UGT8: variants seen among roughly 807,000 people sequenced by gnomAD.
The protein encoded by UGT8 is UDP glycosyltransferase 8.
Under a neutral mutation model 40.5 loss-of-function variants are expected in UGT8, and 12 were observed. That is an observed-to-expected ratio of 0.30 (90% confidence interval 0.19 to 0.48). The LOEUF (loss-of-function observed/expected upper bound fraction) is 0.48. UGT8 is among the 20% of genes least tolerant of loss of function. UGT8 has a pLI of 0.99. For synonymous variants in UGT8, 224 were observed against 240.4 expected (o/e 0.93, Z 0.63); for missense variants, 513 against 648.7 (o/e 0.79, Z 2.27).
chr4:114,664,837 T>TA (rs1167497809), intron 3 of UGT8, among the ~76,000 whole-genome samples: 1 of 152,232 alleles, frequency 6.6e-6, no homozygotes, highest in East Asian at 1.9e-4. Context: ...GTCCCATAGT[T>TA]ACTACCATGA....
At chr4:114,629,015 T>G (rs1732416796) in intron 2 of UGT8, among the ~76,000 whole-genome samples, 1 of 151,960 alleles carries the variant, frequency 6.6e-6, no homozygotes, top group Non-Finnish European at 1.5e-5. Context: ...TTACATATGG[T>G]GATTGAAAGC....
At chr4:114,638,159 A>G (rs1733003408) in intron 2 of UGT8, among the ~76,000 whole-genome samples, 1 of 152,192 alleles carries the variant, frequency 6.6e-6, no homozygotes, top group African/African-American at 2.4e-5. Context: ...AAAATAGTAA[A>G]TCATGTATTC....
At chr4:114,674,109 A>G (rs1560713819) in intron 5 of UGT8, among the ~76,000 whole-genome samples, 1 of 152,190 alleles carries the variant, frequency 6.6e-6, no homozygotes, top group Non-Finnish European at 1.5e-5. Context: ...GTGAAATCAT[A>G]AAAAATAAAG....
chr4:114,633,929 G>A (rs531958040), intron 2 of UGT8, among the ~76,000 whole-genome samples: 64 of 151,950 alleles, frequency 4.2e-4, no homozygotes, highest in African/African-American at 1.4e-3. Flanking sequence ...GGAGGACAGA[G>A]TGAGACTGTC....
At chr4:114,670,774 T>A (rs1735215817) in intron 5 of UGT8, among the ~76,000 whole-genome samples, 1 of 152,120 alleles carries the variant, frequency 6.6e-6, no homozygotes, top group Non-Finnish European at 1.5e-5. Context: ...ATGCCCTCTC[T>A]CACCACTCCT....
At chr4:114,633,285 A>G (rs1732693072) in intron 2 of UGT8, among the ~76,000 whole-genome samples, 1 of 152,234 alleles carries the variant, frequency 6.6e-6, no homozygotes, top group Non-Finnish European at 1.5e-5. Context: ...ACAAATTAAT[A>G]TGATGCATAT....
chr4:114,655,630 C>T (rs1209360935), intron 2 of UGT8, among the ~76,000 whole-genome samples: 1 of 151,854 alleles, frequency 6.6e-6, no homozygotes, highest in Non-Finnish European at 1.5e-5. Flanking sequence ...TTACCAGAAC[C>T]ATCTGACAAT....
intron 1 of UGT8, among the ~76,000 whole-genome samples, chr4:114,616,593 T>TTGCACCCACTGTCC (rs1452816400): frequency 2.0e-5 from 3 of 151,982 alleles, no homozygotes; most frequent in Admixed American, 6.6e-5. Flanking sequence ...GCTCGGTGTG[T>TTGCACCCACTGTCC]TGCACCCACT....
intron 2 of UGT8, among the ~76,000 whole-genome samples, chr4:114,640,858 C>T (rs2126113522): frequency 6.6e-6 from 1 of 152,298 alleles, no homozygotes; most frequent in Non-Finnish European, 1.5e-5. Flanking sequence ...CCCACCGGGT[C>T]CTTCTCATAA....
chr4:114,675,992 A>G lies in UGT8; in HGVS notation c.1330A>G (p.Thr444Ala). 1 of 1,614,104 alleles carries G rather than the reference A, an allele frequency of 6.2e-7. No homozygotes were observed. Residue 444 changes from threonine to alanine, a missense_variant, in exon 6 of 6, where the codon ACT (threonine) becomes GCT (alanine). Physicochemically the swap from Thr to Ala is moderately conservative, Grantham distance 58 (BLOSUM62 0). Transcript: ENST00000310836. ...KDQPGHPVNR[T>A]IYWIDYIIRH... ...TCAACCTGGTCACCCTGTCAATCGA[A>G]CTATCTATTGGATAGATTATATTAT...
intron 2 of UGT8, among the ~76,000 whole-genome samples, chr4:114,642,238 C>G (rs1328525872): frequency 6.6e-6 from 1 of 151,402 alleles, no homozygotes; most frequent in African/African-American, 2.4e-5. Flanking sequence ...CGATTTATAT[C>G]TTTGAGATAG....
At chr4:114,599,962 C>A (rs1730345387) in intron 1 of UGT8, among the ~76,000 whole-genome samples, 2 of 152,128 alleles carry the variant, frequency 1.3e-5, no homozygotes, top group Non-Finnish European at 2.9e-5. Context: ...TGCCATTGTG[C>A]AGCACTTCCT....
intron 1 of UGT8, among the ~76,000 whole-genome samples, chr4:114,606,465 GC>G (rs1367055522): frequency 2.0e-5 from 3 of 152,130 alleles, no homozygotes; most frequent in African/African-American, 7.2e-5. Flanking sequence ...CATTTGTGCT[GC>G]TGTCCCTATT....
chr4:114,625,362 T>C (rs1260577461), intron 2 of UGT8, among the ~76,000 whole-genome samples: 1 of 151,840 alleles, frequency 6.6e-6, no homozygotes, highest in Admixed American at 6.6e-5. Flanking sequence ...AAAATAAAAA[T>C]TAGCTGGGTA....
chr4:114,649,786 T>A (rs535910859), intron 2 of UGT8, among the ~76,000 whole-genome samples: 1 of 152,118 alleles, frequency 6.6e-6, no homozygotes, highest in Non-Finnish European at 1.5e-5. Flanking sequence ...TCCACAATGA[T>A]CTACCTATGT....
At chr4:114,641,531 C>G (rs1449216680) in intron 2 of UGT8, among the ~76,000 whole-genome samples, 2 of 152,102 alleles carry the variant, frequency 1.3e-5, no homozygotes, top group African/African-American at 4.8e-5. Context: ...TCTGTAAACC[C>G]TAATGGATGC....
chr4:114,672,393 T>C (rs1031637433), intron 5 of UGT8, among the ~76,000 whole-genome samples: 8 of 152,092 alleles, frequency 5.3e-5, no homozygotes, highest in Non-Finnish European at 8.8e-5. Flanking sequence ...AATACAATTA[T>C]AATAGCAAAC....
chr4:114,660,394 A>C lies in UGT8; in HGVS notation c.823-3601A>C, dbSNP rs186605641. On this transcript the variant is annotated intron_variant, in intron 2 of 5. Transcript: ENST00000310836. ...TTTGAATTTGTTTCTCTGATTATTC[A>C]TGTGAAACAAAGGTTCTTTTCATGT... Among the ~76,000 whole-genome samples the C allele has an allele frequency of 9.1e-4, 138 of 152,238 alleles. 1 individual carries two copies. The highest frequency in any genetic ancestry group is 3.1e-3 in the African/African-American group (128 of 41,526).
chr4:114,648,371 G>GTTT (rs71753758), intron 2 of UGT8, among the ~76,000 whole-genome samples: 41 of 125,690 alleles, frequency 3.3e-4, no homozygotes, highest in Middle Eastern at 4.2e-3. Flanking sequence ...AGAAAATCTG[G>GTTT]TTTTTTTTTT....
Sources: allele counts gnomAD v4.1 joint callset (sites outside exome capture counted in the v4.1 genomes callset), GRCh38; gene constraint gnomAD v4.1.1; transcripts MANE v1.5; gene names NCBI Gene and HGNC (gene_info 2026-07-23, HGNC 2026-07-21).